The following ARPC1B variants were observed in gnomAD, a reference collection of about 807,000 sequenced individuals.
The protein encoded by ARPC1B is actin related protein 2/3 complex subunit 1B, also known as actin-related protein 2/3 complex subunit 1B.
A neutral mutation model predicts 46.0 loss-of-function variants in ARPC1B; 29 were observed. The observed-to-expected ratio is 0.63, with a 90% CI of 0.47 to 0.86. ARPC1B has a LOEUF of 0.86. Among genes scored for constraint, ARPC1B ranks in the 40% least tolerant of loss-of-function variants. The probability of loss-of-function intolerance (pLI) is 0.00; values close to 1 mark genes in which losing one functional copy is unlikely to be tolerated. For synonymous variants in ARPC1B, 201 were observed against 213.9 expected, an observed-to-expected ratio of 0.94 and a Z score of 0.53; for missense variants, 469 against 529.4, an observed-to-expected ratio of 0.89 and a Z score of 1.12.
chr7:99,375,607 C>T (rs1182219383), intron 1 of ARPC1B, among the ~76,000 whole-genome samples: 1 of 152,216 alleles, frequency 6.6e-6, no homozygotes, highest in African/African-American at 2.4e-5. Context: ...GCCTCCTCTG[C>T]CAATGCAGCC....
intron 4 of ARPC1B, chr7:99,389,157 G>T: frequency 6.6e-6 from 1 of 151,218 alleles, no homozygotes; most frequent in Non-Finnish European, 1.5e-5. Flanking sequence ...GGCTGGTCTT[G>T]AACTCCTGAC....
chr7:99,375,204 T>G (rs1198325531), intron 1 of ARPC1B, among the ~76,000 whole-genome samples: 1 of 149,920 alleles, frequency 6.7e-6, no homozygotes, highest in Non-Finnish European at 1.5e-5. Context: ...TGCCCCGCGG[T>G]CGGTCGGTGT....
chr7:99,378,774 CTTT>C (rs761084621), intron 1 of ARPC1B, among the ~76,000 whole-genome samples: 9 of 106,536 alleles, frequency 8.4e-5, no homozygotes, highest in African/African-American at 3.0e-4. Flanking sequence ...TTTTCTTTTT[CTTT>C]TTTTTTTTTT....
At chr7:99,388,340 G>T in intron 4 of ARPC1B, 79 bp downstream of exon 4, 1 of 1,404,208 alleles carries the variant, frequency 7.1e-7, no homozygotes, top group Non-Finnish European at 9.9e-7. Context: ...GCACCAAATG[G>T]GATGTCAGGA....
intron 1 of ARPC1B, among the ~76,000 whole-genome samples, chr7:99,379,819 T>C (rs537203050): frequency 4.0e-5 from 6 of 151,894 alleles, no homozygotes; most frequent in Non-Finnish European, 7.4e-5. Context: ...TTTTTTTTTT[T>C]TTCCAAGTGG....
Position 99,391,393 on chromosome 7 carries a change from C to A in ARPC1B, c.783+140C>A. The A allele has an allele frequency of 8.6e-6, 8 of 928,938 alleles. No homozygotes were observed. The South Asian group carries it at 1.1e-4, about 13-fold the overall frequency. 57.5% of individuals were successfully genotyped at this position (928,938 alleles called of 1,614,324 possible). On this transcript the variant is annotated intron_variant, in intron 7 of 9. Coordinates refer to ENST00000646101, the MANE Select transcript of ARPC1B (RefSeq NM_005720.4). ...CATTCTCTCATGTACCAGAATTGGG[C>A]AGAACAGGTTGGGTTATGCTGCAGT...
Position 99,385,776 on chromosome 7 carries a change from C to A in ARPC1B, c.62C>A (p.Thr21Asn). The A allele has an allele frequency of 6.2e-7, 1 of 1,608,722 alleles. No individual in the cohort carries two copies. The highest frequency in any genetic ancestry group is 8.5e-7 in the Non-Finnish European group (1 of 1,178,742). The change falls in exon 2 of 10, where the codon ACC becomes AAC. Residue 21 changes from threonine to asparagine, a missense_variant and splice_region_variant. Thr to Asn is a moderately conservative substitution (Grantham distance 65). Coordinates refer to ENST00000646101, the MANE Select transcript of ARPC1B (RefSeq NM_005720.4). ...ISCHAWNKDR[T>N]QIAICPNNHE... ...TGCCACGCCTGGAACAAGGACCGCA[C>A]CCGTGAGTGCTTGCTGGGGGCCGGT...
chr7:99,377,651 A>G (rs1794068136), intron 1 of ARPC1B, among the ~76,000 whole-genome samples: 1 of 140,862 alleles, frequency 7.1e-6, no homozygotes, highest in Non-Finnish European at 1.5e-5. Context: ...TTTTATTTGG[A>G]GGTGGCGGAG....
intron 5 of ARPC1B, 62 bp downstream of exon 5, chr7:99,390,074 G>T (rs951591388): frequency 2.5e-5 from 37 of 1,457,330 alleles, no homozygotes; most frequent in Non-Finnish European, 3.5e-5. Context: ...ACATCATAGC[G>T]GGGAGCCGCA....
chr7:99,380,900 G>C (rs940885081), intron 1 of ARPC1B, among the ~76,000 whole-genome samples: 2 of 152,184 alleles, frequency 1.3e-5, no homozygotes, highest in South Asian at 2.1e-4. Context: ...CCAGAGCCTG[G>C]GTGGAGTGTG....
chr7:99,387,767 G>A (rs1433152511), intron 3 of ARPC1B, among the ~76,000 whole-genome samples: 5 of 147,054 alleles, frequency 3.4e-5, no homozygotes, highest in Admixed American at 2.0e-4. Context: ...AAGATTGGTG[G>A]TACACACCTG....
Position 99,394,510 on chromosome 7 carries a change from T to A in ARPC1B, c.*21T>A. 1.9e-6 allele frequency: 3 copies of A among 1,613,990 alleles called. No homozygotes were observed. Among genetic ancestry groups the A allele is most frequent in the Non-Finnish European group, 2.5e-6 (3 of 1,180,004 alleles). On this transcript the variant is annotated 3_prime_UTR_variant, in exon 10 of 10. Transcript: ENST00000646101. ...AATGACCTGTGAGGAATATGTTGCCTTCATCCTAGCTGCTGGGGAAGCGGG... is the reference window on the plus strand; with the variant it reads ...AATGACCTGTGAGGAATATGTTGCCATCATCCTAGCTGCTGGGGAAGCGGG...
In ARPC1B at chr7:99,391,158, T is replaced by A. The variant is rs756864602; in HGVS notation, c.708-20T>A. On this transcript the variant is annotated intron_variant, in intron 6 of 9. Transcript: ENST00000646101. ...GTGCAGAGGAGTGGGACACCGTGAC[T>A]CACAGCTCTCTCCCCTCAGCGTCGC... The A allele has an allele frequency of 6.2e-7, 1 of 1,613,702 alleles. No individual in the cohort carries two copies.
At chr7:99,382,409 A>C (rs1015286304) in intron 1 of ARPC1B, among the ~76,000 whole-genome samples, 5 of 151,756 alleles carry the variant, frequency 3.3e-5, no homozygotes, top group Non-Finnish European at 7.4e-5. Context: ...CTCGAAAAAA[A>C]AAAAAAAAAA....
intron 1 of ARPC1B, among the ~76,000 whole-genome samples, chr7:99,384,952 TAA>T (rs1454913200): frequency 3.0e-5 from 4 of 134,136 alleles, no homozygotes; most frequent in Non-Finnish European, 4.7e-5. Flanking sequence ...CACACCTGGC[TAA>T]TTTTTTTTTT....
At chr7:99,374,409 G>C (rs1055191770), upstream of ARPC1B, 36 of 152,224 alleles carry the variant, frequency 2.4e-4, no homozygotes, top group African/African-American at 8.2e-4. This position sits in a 1 kb window ranked among gnomAD's most constrained non-coding sequence, Gnocchi z 5.0. Flanking sequence ...CCGACCCTGC[G>C]CCCGGCAGTC....
In ARPC1B at chr7:99,394,779, TAAAAAAAAA is replaced by T. The variant is rs773085531; in HGVS notation, c.*304_*312del. The T allele has an allele frequency of 1.1e-5, 11 of 958,252 alleles. No individual in the cohort carries two copies. In the East Asian group the frequency reaches 1.8e-4, roughly 16 times the overall value. 59.4% of individuals were successfully genotyped at this position (958,252 alleles called of 1,614,324 possible). A position where few individuals can be genotyped will look rare whatever the true frequency, so the allele number is the denominator to read the frequency against. On this transcript the variant is annotated 3_prime_UTR_variant, in exon 10 of 10. Transcript: ENST00000646101. ...GTGGAGGTAATAAAATGCAACTGTGTAAAAAAAAAAAAAAAAAAAAAAGTAATTATGGAC... is the reference window on the plus strand; with the variant it reads ...GTGGAGGTAATAAAATGCAACTGTGTAAAAAAAAAAAAAGTAATTATGGAC...
Position 99,386,698 on chromosome 7 carries a change from C to T in ARPC1B, c.78C>T (p.Cys26=), listed in dbSNP as rs1794400888. Residue 26 remains cysteine (C), a synonymous_variant, in exon 3 of 10, where the codon TGC becomes TGT. Transcript: ENST00000646101. ...TCTCCCCTTCAGAGATTGCCATCTG[C>T]CCCAACAACCATGAGGTGCATATCT... is the stretch of plus-strand genomic sequence containing the variant. ...WNKDRTQIAI[C]PNNHEVHIYE... is the part of the protein sequence containing the mutation. The T allele has an allele frequency of 6.2e-7, 1 of 1,613,922 alleles. No individual in the cohort carries two copies. Among genetic ancestry groups the T allele is most frequent in the Non-Finnish European group, 8.5e-7 (1 of 1,179,870 alleles).
At chr7:99,393,260 C>G (rs1794638811) in intron 8 of ARPC1B, among the ~76,000 whole-genome samples, 1 of 152,184 alleles carries the variant, frequency 6.6e-6, no homozygotes, top group Non-Finnish European at 1.5e-5. Flanking sequence ...GCTAGTGGAG[C>G]CTGGGAGGGA....
Sources: allele counts gnomAD v4.1 joint callset (sites outside exome capture counted in the v4.1 genomes callset), GRCh38; gene constraint gnomAD v4.1.1; non-coding constraint Gnocchi (gnomAD v3.1); transcripts MANE v1.5; gene names NCBI Gene and HGNC (gene_info 2026-07-23, HGNC 2026-07-21).